GALNT1: variants seen among roughly 807,000 people sequenced by gnomAD.
The protein encoded by GALNT1 is polypeptide N-acetylgalactosaminyltransferase 1.
Under a neutral mutation model 65.7 loss-of-function variants are expected in GALNT1, and 17 were observed. The observed-to-expected ratio is 0.26, with a 90% CI of 0.18 to 0.39. The LOEUF (loss-of-function observed/expected upper bound fraction) is 0.39, where lower values mean the gene tolerates loss of function less well. Ranked by LOEUF, GALNT1 falls within the 10% of genes least tolerant of loss-of-function variation. The pLI is 1.00. For missense variants in GALNT1, 460 were observed against 672.8 expected (o/e 0.68, Z 3.50); for synonymous variants, 210 against 219.7 (o/e 0.96, Z 0.39).
At chr18:35,600,703 A>G (rs1320600636) in intron 1 of GALNT1, among the ~76,000 whole-genome samples, 2 of 152,048 alleles carry the variant, frequency 1.3e-5, no homozygotes, top group Non-Finnish European at 2.9e-5. Context: ...TGATCCTTCT[A>G]TACCATTAAC....
intron 8 of GALNT1, 120 bp from the exon 9 acceptor site, chr18:35,692,061 G>C: frequency 1.3e-6 from 1 of 783,178 alleles, no homozygotes; most frequent in Non-Finnish European, 2.1e-6. Context: ...CACTTGTATA[G>C]TCACATATCA....
At chr18:35,682,908 TAAAAAAAA>T (rs34199709) in intron 4 of GALNT1, among the ~76,000 whole-genome samples, 3 of 118,484 alleles carry the variant, frequency 2.5e-5, no homozygotes, top group Non-Finnish European at 5.1e-5. Context: ...GCCCCCTGAT[TAAAAAAAA>T]AAAAAAAAAA....
chr18:35,607,900 G>A (rs1433775470), intron 1 of GALNT1, among the ~76,000 whole-genome samples: 1 of 152,040 alleles, frequency 6.6e-6, no homozygotes, highest in African/African-American at 2.4e-5. Flanking sequence ...AAAAATTGGG[G>A]GTTCTGTAAC....
intron 3 of GALNT1, among the ~76,000 whole-genome samples, chr18:35,668,539 T>A (rs1598800538): frequency 1.3e-5 from 2 of 152,308 alleles, no homozygotes; most frequent in African/African-American, 4.8e-5. Context: ...AAAGATTATA[T>A]GTAGATTATA....
rs747158950 is a variant in GALNT1, at chr18:35,692,298, G to A, written c.1277G>A (p.Arg426His). The A allele has an allele frequency of 8.2e-6, 13 of 1,581,356 alleles. No individual in the cohort carries two copies. Among genetic ancestry groups the A allele is most frequent in the East Asian group, 4.5e-5 (2 of 44,436 alleles). ...ENIYPDSQIP[R>H]HYFSLGEIRN... ...ATATATCCTGATTCTCAAATTCCAC[G>A]TCACTATTTCTCATTGGGAGAGGTA... The change falls in exon 9 of 12, where the codon CGT (arginine) becomes CAT (histidine). Residue 426 changes from arginine (R) to histidine (H), a missense_variant. Coordinates refer to ENST00000269195, the MANE Select transcript of GALNT1 (RefSeq NM_020474.4).
intron 1 of GALNT1, among the ~76,000 whole-genome samples, chr18:35,614,084 C>T (rs558273428): frequency 4.1e-4 from 63 of 152,210 alleles, no homozygotes; most frequent in African/African-American, 1.3e-3. Flanking sequence ...GCAAGGAGAC[C>T]GTGTAATCAG....
chr18:35,698,233 CGAGG>C (rs1346786892), intron 9 of GALNT1, among the ~76,000 whole-genome samples: 1 of 152,128 alleles, frequency 6.6e-6, no homozygotes, highest in Non-Finnish European at 1.5e-5. Flanking sequence ...TTTGGGAAGC[CGAGG>C]TGGGTGGATC....
chr18:35,674,843 C>T (rs1286170520), intron 3 of GALNT1, among the ~76,000 whole-genome samples: 1 of 151,818 alleles, frequency 6.6e-6, no homozygotes, highest in South Asian at 2.1e-4. Context: ...ATTAGTCGGG[C>T]GTGGTGGCAG....
chr18:35,656,205 T>C (rs1212309689), intron 2 of GALNT1, among the ~76,000 whole-genome samples: 1 of 152,234 alleles, frequency 6.6e-6, no homozygotes, highest in Non-Finnish European at 1.5e-5. Flanking sequence ...CATGGTGTTC[T>C]ATCTTAAATG....
chr18:35,690,241 G>T (rs553822587), intron 7 of GALNT1, among the ~76,000 whole-genome samples: 16 of 150,938 alleles, frequency 1.1e-4, no homozygotes, highest in African/African-American at 3.9e-4. Flanking sequence ...TTCTAACAAA[G>T]ACAACAAAAC....
At chr18:35,707,057 C>G (rs919564530) in intron 11 of GALNT1, among the ~76,000 whole-genome samples, 4 of 152,114 alleles carry the variant, frequency 2.6e-5, no homozygotes, top group Non-Finnish European at 5.9e-5. Context: ...TCTAGATTCT[C>G]GATCCAGGTT....
rs893758525 is a variant in GALNT1 at position 35,599,597 on chromosome 18, A to G, written c.-104+17735A>G. On this transcript the variant is annotated intron_variant, in intron 1 of 11. Transcript: ENST00000269195. ...AGGCTGGTCCCAAACTCCTGAGCTC[A>G]AGCAGTCTGCCCGCCTTGGTCTCCC... Among the ~76,000 whole-genome samples the G allele has an allele frequency of 3.9e-5, 6 of 152,154 alleles. No individual in the cohort carries two copies. The East Asian group carries it at 7.7e-4, about 20-fold the overall frequency.
At chr18:35,628,683 G>T (rs1020779510) in intron 1 of GALNT1, among the ~76,000 whole-genome samples, 1 of 152,214 alleles carries the variant, frequency 6.6e-6, no homozygotes, top group Non-Finnish European at 1.5e-5. Context: ...AGGGAACACA[G>T]CTCCTCACCA....
chr18:35,698,498 A>G (rs1375574289), intron 9 of GALNT1, among the ~76,000 whole-genome samples: 2 of 152,112 alleles, frequency 1.3e-5, no homozygotes. Flanking sequence ...AATAAATGAA[A>G]ATAAATGTAA....
intron 3 of GALNT1, among the ~76,000 whole-genome samples, chr18:35,672,691 A>G (rs2047653577): frequency 6.6e-6 from 1 of 151,996 alleles, no homozygotes; most frequent in Non-Finnish European, 1.5e-5. Context: ...AATAGAAGTA[A>G]CAGTCCCTGA....
rs567936226 is a variant in GALNT1, at chr18:35,616,717, G to A, written c.-104+34855G>A. Among the ~76,000 whole-genome samples, 131 of 152,080 alleles carry A rather than the reference G, an allele frequency of 8.6e-4. 1 individual carries two copies. Among genetic ancestry groups the A allele is most frequent in the African/African-American group, 2.7e-3 (114 of 41,508 alleles). On this transcript the variant is annotated intron_variant, in intron 1 of 11. Coordinates refer to ENST00000269195, the MANE Select transcript of GALNT1 (RefSeq NM_020474.4). ...TGGCAGAAACAGCTTCCAGTGTCAC[G>A]TAATCTTTCTCTGTGGCAGTTAGCA...
At chr18:35,658,602 A>C (rs2047430091) in intron 2 of GALNT1, among the ~76,000 whole-genome samples, 1 of 152,080 alleles carries the variant, frequency 6.6e-6, no homozygotes, top group Non-Finnish European at 1.5e-5. Context: ...GGTGCATTTG[A>C]AGAGATGTTT....
In GALNT1 at chr18:35,689,829, C is replaced by T. The variant is rs560938741; in HGVS notation, c.978+539C>T. Among the ~76,000 whole-genome samples the T allele has an allele frequency of 5.3e-5, 8 of 152,256 alleles. No homozygotes were observed. The South Asian group carries it at 1.7e-3, about 32-fold the overall frequency. Reference sequence around the variant, plus strand: ...TTCATGTTCACTAGAATCAACATATCGTTTAAATGGCATTGCATATTTTTG... The same window carrying T: ...TTCATGTTCACTAGAATCAACATATTGTTTAAATGGCATTGCATATTTTTG... On this transcript the variant is annotated intron_variant, in intron 7 of 11. Coordinates refer to ENST00000269195, the MANE Select transcript of GALNT1 (RefSeq NM_020474.4).
intron 1 of GALNT1, among the ~76,000 whole-genome samples, chr18:35,610,448 T>C (rs143229278): frequency 6.6e-6 from 1 of 152,358 alleles, no homozygotes; most frequent in Non-Finnish European, 1.5e-5. Context: ...AGTGCTTTAC[T>C]ATAGTTCCAT....
Sources: gnomAD v4.1 joint callset for allele counts (sites outside exome capture counted in the v4.1 genomes callset) on GRCh38, gnomAD v4.1.1 for gene constraint, MANE v1.5 for transcripts, NCBI Gene and HGNC (gene_info 2026-07-23, HGNC 2026-07-21) for gene names.